Variants in FNIP1 observed in about 807,000 individuals in gnomAD.
FNIP1 encodes folliculin-interacting protein 1.
A neutral mutation model predicts 124.5 loss-of-function variants in FNIP1; 40 were observed. The observed-to-expected ratio is 0.32, with a 90% CI of 0.25 to 0.42. The LOEUF (loss-of-function observed/expected upper bound fraction) is 0.42. Ranked by LOEUF, FNIP1 falls within the 10% of genes least tolerant of loss-of-function variation. FNIP1 has a pLI of 1.00. For synonymous variants in FNIP1, 472 were observed against 470.6 expected, an observed-to-expected ratio of 1.00 and a Z score of -0.04; for missense variants, 1,176 against 1,403.7, an observed-to-expected ratio of 0.84 and a Z score of 2.59.
At chr5:131,760,553 G>T (rs1035920142) in intron 1 of FNIP1, among the ~76,000 whole-genome samples, 24 of 151,970 alleles carry the variant, frequency 1.6e-4, no homozygotes, top group Middle Eastern at 3.2e-3. Flanking sequence ...GCATCAGAGG[G>T]TCTTACTATA....
At chr5:131,688,576 T>C (rs923465167) in intron 11 of FNIP1, among the ~76,000 whole-genome samples, 2 of 151,330 alleles carry the variant, frequency 1.3e-5, no homozygotes, top group Non-Finnish European at 2.9e-5. Flanking sequence ...ATGATAAATA[T>C]GTTTATTTTA....
chr5:131,745,496 G>C (rs962965619), intron 1 of FNIP1, among the ~76,000 whole-genome samples: 1 of 151,720 alleles, frequency 6.6e-6, no homozygotes, highest in Non-Finnish European at 1.5e-5. Context: ...CTCCACCCTG[G>C]GTGACAGAAT....
intron 2 of FNIP1, among the ~76,000 whole-genome samples, chr5:131,734,680 A>ACTTCT (rs1770225903): frequency 6.6e-6 from 1 of 152,264 alleles, no homozygotes; most frequent in Non-Finnish European, 1.5e-5. Flanking sequence ...TCAAAAGAAG[A>ACTTCT]CATTTATGCA....
intron 5 of FNIP1, among the ~76,000 whole-genome samples, chr5:131,717,020 G>C (rs531462497): frequency 1.3e-5 from 2 of 151,006 alleles, no homozygotes; most frequent in African/African-American, 2.4e-5. Context: ...TAAGTTTTAG[G>C]GTACATGTGC....
chr5:131,748,811 A>C (rs2149563773), intron 1 of FNIP1, among the ~76,000 whole-genome samples: 1 of 152,316 alleles, frequency 6.6e-6, no homozygotes, highest in South Asian at 2.1e-4. Flanking sequence ...ACTGTAAAAC[A>C]GCCTTAAGCA....
chr5:131,779,615 G>A (rs529714111), intron 1 of FNIP1, among the ~76,000 whole-genome samples: 1 of 151,096 alleles, frequency 6.6e-6, no homozygotes, highest in African/African-American at 2.4e-5. Context: ...TTGAACCTGG[G>A]AGGCAGAGCT....
At chr5:131,665,665 C>T (rs951501776) in intron 15 of FNIP1, among the ~76,000 whole-genome samples, 6 of 149,840 alleles carry the variant, frequency 4.0e-5, no homozygotes, top group African/African-American at 1.5e-4. Flanking sequence ...TCTCAGCTCA[C>T]AGCAACCTCT....
intron 11 of FNIP1, among the ~76,000 whole-genome samples, chr5:131,691,296 C>T (rs1768472237): frequency 1.3e-5 from 2 of 152,146 alleles, no homozygotes; most frequent in South Asian, 2.1e-4. Flanking sequence ...ATATTTTGAA[C>T]TAAATGTGAA....
intron 1 of FNIP1, among the ~76,000 whole-genome samples, chr5:131,756,967 C>T (rs1771070389): frequency 6.6e-6 from 1 of 151,874 alleles, no homozygotes; most frequent in Non-Finnish European, 1.5e-5. Context: ...GTGAAAGGGC[C>T]AAAAGTAGGC....
chr5:131,702,677 C>CT (rs1276577707), intron 10 of FNIP1, among the ~76,000 whole-genome samples: 3 of 152,154 alleles, frequency 2.0e-5, no homozygotes, highest in Non-Finnish European at 4.4e-5. Flanking sequence ...TCTAAAAAAC[C>CT]TTTGTCCTTC....
chr5:131,662,733 A>ATTT lies in FNIP1; in HGVS notation c.3108+7727_3108+7729dup, dbSNP rs34051607. ...TGAACTACCTTTGGAGATATTCTAG[A>ATTT]TTTTTTTTTTTTTTTTTTTTTTTTG... On this transcript the variant is annotated intron_variant, in intron 15 of 17. Coordinates refer to ENST00000510461, the MANE Select transcript of FNIP1 (RefSeq NM_133372.3). Among the ~76,000 whole-genome samples the ATTT allele has an allele frequency of 3.0e-3, 234 of 76,942 alleles. 1 individual carries two copies. Among genetic ancestry groups the ATTT allele is most frequent in the African/African-American group, 7.6e-3 (143 of 18,842 alleles). 50.5% of individuals were successfully genotyped at this position (76,942 alleles called of 152,430 possible).
intron 3 of FNIP1, among the ~76,000 whole-genome samples, chr5:131,726,327 A>G (rs2149547084): frequency 6.6e-6 from 1 of 152,124 alleles, no homozygotes; most frequent in African/African-American, 2.4e-5. Context: ...CTGGTCCTGG[A>G]CTTTTTTTTG....
chr5:131,767,339 G>A (rs1178843760), intron 1 of FNIP1, among the ~76,000 whole-genome samples: 1 of 137,842 alleles, frequency 7.3e-6, no homozygotes, highest in Non-Finnish European at 1.5e-5. Context: ...TGAGGCGGGA[G>A]AATCGCTTGA....
At chr5:131,671,442 G>T in intron 14 of FNIP1, 63 bp downstream of exon 14, 1 of 1,291,032 alleles carries the variant, frequency 7.7e-7, no homozygotes, top group Non-Finnish European at 1.1e-6. Context: ...TCAGAGAACA[G>T]CTAAAAAAGA....
At chr5:131,748,956 C>T (rs978824454) in intron 1 of FNIP1, among the ~76,000 whole-genome samples, 11 of 152,100 alleles carry the variant, frequency 7.2e-5, no homozygotes, top group African/African-American at 2.7e-4. Context: ...ATAATCCTGA[C>T]TCTATGTAGG....
At chr5:131,762,851 T>TA (rs1771276660) in intron 1 of FNIP1, among the ~76,000 whole-genome samples, 1 of 152,134 alleles carries the variant, frequency 6.6e-6, no homozygotes, top group African/African-American at 2.4e-5. Context: ...TATTCAGTCA[T>TA]AAAAAAGAAT....
At chr5:131,691,418 A>G (rs530392933) in intron 11 of FNIP1, among the ~76,000 whole-genome samples, 1 of 152,338 alleles carries the variant, frequency 6.6e-6, no homozygotes, top group African/African-American at 2.4e-5. Context: ...CTAAGCTTTA[A>G]TCTTAGGAAA....
chr5:131,715,912 T>C (rs1170223504), intron 6 of FNIP1, among the ~76,000 whole-genome samples: 1 of 152,164 alleles, frequency 6.6e-6, no homozygotes, highest in East Asian at 1.9e-4. Context: ...ACTATTCTAA[T>C]TGCTATCCCA....
chr5:131,792,624 C>A (rs1181175826), intron 1 of FNIP1, among the ~76,000 whole-genome samples: 1 of 152,136 alleles, frequency 6.6e-6, no homozygotes, highest in Admixed American at 6.5e-5. Context: ...CATCTCTAGT[C>A]CAAAATTTTT....
Sources: allele counts gnomAD v4.1 joint callset (sites outside exome capture counted in the v4.1 genomes callset), GRCh38; gene constraint gnomAD v4.1.1; transcripts MANE v1.5; gene names NCBI Gene and HGNC (gene_info 2026-07-23, HGNC 2026-07-21).